GRK5: variants seen among roughly 807,000 people sequenced by gnomAD.
GRK5 encodes the protein g protein-coupled receptor kinase GRK5.
A neutral mutation model predicts 78.4 loss-of-function variants in GRK5; 40 were observed. The ratio of observed to expected loss-of-function variants is 0.51; its 90% CI spans 0.40 to 0.66. GRK5 has a LOEUF of 0.66. Ranked by LOEUF, GRK5 falls within the 30% of genes least tolerant of loss-of-function variation. GRK5 has a pLI of 0.00. For missense variants in GRK5, 598 were observed against 759.9 expected (o/e 0.79, Z 2.50); for synonymous variants, 289 against 296.8 (o/e 0.97, Z 0.27).
intron 4 of GRK5, among the ~76,000 whole-genome samples, chr10:119,408,077 C>T (rs963347111): frequency 1.3e-5 from 2 of 150,038 alleles, no homozygotes; most frequent in African/African-American, 2.5e-5. Flanking sequence ...GCAGGAGAAT[C>T]GCTCGAACCC....
At chr10:119,235,923 C>G (rs770349248) in intron 1 of GRK5, among the ~76,000 whole-genome samples, 36 of 152,292 alleles carry the variant, frequency 2.4e-4, no homozygotes, top group Non-Finnish European at 4.4e-4. Context: ...TGGAGGTTTA[C>G]AGCCAAGTTC....
chr10:119,359,829 G>A (rs748400229), intron 2 of GRK5, among the ~76,000 whole-genome samples: 1 of 152,168 alleles, frequency 6.6e-6, no homozygotes, highest in Non-Finnish European at 1.5e-5. Flanking sequence ...TGTTCCCGGG[G>A]GGGAGGTGTG....
intron 4 of GRK5, among the ~76,000 whole-genome samples, chr10:119,421,177 C>G (rs1226812430): frequency 1.3e-5 from 2 of 152,248 alleles, no homozygotes; most frequent in Admixed American, 1.3e-4. Context: ...AGGCCTTGGG[C>G]CCTCCTGGAC....
In GRK5 at chr10:119,455,281, T is replaced by C. The variant is rs750359322; in HGVS notation, c.*214T>C. On this transcript the variant is annotated 3_prime_UTR_variant, in exon 16 of 16. Transcript: ENST00000392870. ...CCGAGGCGGCCCCGGCCGGGGTGGA[T>C]TGGATTTGTCTTTGGTGAACATTGC... 1.6e-5 allele frequency: 11 copies of C among 696,906 alleles called. No homozygotes were observed. Among genetic ancestry groups the C allele is most frequent in the African/African-American group, 7.0e-5 (4 of 57,146 alleles). 43.2% of individuals were successfully genotyped at this position (696,906 alleles called of 1,614,324 possible). A position where few individuals can be genotyped will look rare whatever the true frequency, so the allele number is the denominator to read the frequency against.
At position 119,253,128 on chromosome 10, in the gene GRK5, G is replaced by A. The variant is rs1849228610; in HGVS notation, c.52+45159G>A. Among the ~76,000 whole-genome samples the A allele has an allele frequency of 6.6e-6, 1 of 152,314 alleles. No individual in the cohort carries two copies. Among genetic ancestry groups the A allele is most frequent in the African/African-American group, 2.4e-5 (1 of 41,552 alleles). On this transcript the variant is annotated intron_variant, in intron 1 of 15. Coordinates refer to ENST00000392870, the MANE Select transcript of GRK5 (RefSeq NM_005308.3). This position sits in a 1 kb window ranked among gnomAD's most constrained non-coding sequence, Gnocchi z 5.7. ...GCTGTACTAATCTGCTGATGAGGGA[G>A]AGTTGGTGGCTCAGTGGTGACAGCA...
Position 119,412,260 on chromosome 10 carries a change from A to G in GRK5, c.340-10906A>G, listed in dbSNP as rs4751717. Among the ~76,000 whole-genome samples, 151,778 of 152,254 alleles carry G rather than the reference A, an allele frequency of 1. 75,653 individuals are homozygous for G. Among genetic ancestry groups the G allele is most frequent in the Middle Eastern group, 1 (294 of 294 alleles). On this transcript the variant is annotated intron_variant, in intron 4 of 15. Transcript: ENST00000392870. The surrounding 1 kb of genome is among the most constrained non-coding windows in gnomAD (Gnocchi z 4.3). ...GTGAGAGCCTTCCAGCCTCGATCAC[A>G]AGGACCTCTACCCACAGGCTGCCGG...
intron 2 of GRK5, among the ~76,000 whole-genome samples, chr10:119,373,281 G>A (rs1589770755): frequency 6.6e-6 from 1 of 152,322 alleles, no homozygotes; most frequent in East Asian, 1.9e-4. Flanking sequence ...TTCTGATTCA[G>A]TCAGTAGGTG....
At chr10:119,275,879 G>A (rs1564873251) in intron 1 of GRK5, among the ~76,000 whole-genome samples, 2 of 152,178 alleles carry the variant, frequency 1.3e-5, no homozygotes, top group African/African-American at 2.4e-5. Flanking sequence ...AGGGAGGGCC[G>A]CAGGAGTTTG....
intron 1 of GRK5, among the ~76,000 whole-genome samples, chr10:119,235,039 A>G (rs1241135474): frequency 1.3e-5 from 2 of 151,854 alleles, no homozygotes; most frequent in African/African-American, 2.4e-5. Context: ...CAGTGACACC[A>G]TCTCAGCTCA....
At chr10:119,211,986 T>C (rs1040559706) in intron 1 of GRK5, among the ~76,000 whole-genome samples, 1 of 152,252 alleles carries the variant, frequency 6.6e-6, no homozygotes, top group Non-Finnish European at 1.5e-5. Context: ...AGCCCTCTTA[T>C]GGCTATGTGA....
At chr10:119,319,592 T>C (rs1054407681) in intron 1 of GRK5, among the ~76,000 whole-genome samples, 2 of 152,242 alleles carry the variant, frequency 1.3e-5, no homozygotes, top group Non-Finnish European at 2.9e-5. Context: ...TCAGGGACCA[T>C]GTCCTCTTCC....
chr10:119,385,310 G>A (rs910229138), intron 3 of GRK5, among the ~76,000 whole-genome samples: 25 of 152,016 alleles, frequency 1.6e-4, no homozygotes, highest in African/African-American at 6.0e-4. Context: ...TGTCATCCAG[G>A]CTGGAGTGCA....
intron 2 of GRK5, among the ~76,000 whole-genome samples, chr10:119,370,437 T>A (rs73451624): frequency 6.6e-6 from 1 of 152,346 alleles, no homozygotes; most frequent in African/African-American, 2.4e-5. Context: ...CACAGGAAGA[T>A]GGCAGGGCTT....
chr10:119,314,130 G>T (rs1171128123), intron 1 of GRK5, among the ~76,000 whole-genome samples: 1 of 152,258 alleles, frequency 6.6e-6, no homozygotes, highest in Non-Finnish European at 1.5e-5. Context: ...GAGGGCTGGG[G>T]TGTATGATGC....
At chr10:119,231,007 T>G in intron 1 of GRK5, among the ~76,000 whole-genome samples, 1 of 150,052 alleles carries the variant, frequency 6.7e-6, no homozygotes, top group Non-Finnish European at 1.5e-5. Flanking sequence ...GGGAGAGGGG[T>G]GGGTTGGAGC....
In GRK5 at chr10:119,394,539, G is replaced by A. The variant is rs1190263426; in HGVS notation, c.262-2156G>A. Among the ~76,000 whole-genome samples, 12 of 22,208 alleles carry A rather than the reference G, an allele frequency of 5.4e-4. 3 individuals carry two copies. The highest frequency in any genetic ancestry group is 1.1e-3 in the Non-Finnish European group (11 of 10,104). The allele number at this position is 22,208 out of a possible 152,430, so 14.6% of individuals were successfully genotyped here. A position where few individuals can be genotyped will look rare whatever the true frequency, so the allele number is the denominator to read the frequency against. On this transcript the variant is annotated intron_variant, in intron 3 of 15. Coordinates refer to ENST00000392870, the MANE Select transcript of GRK5 (RefSeq NM_005308.3). ...TGTGGGTGTGTGTGGGTGTGTATCT[G>A]TGTGTGGGGGCACGTGTATGTTTGG... is the stretch of plus-strand genomic sequence containing the variant.
At chr10:119,400,038 A>G (rs1852123636) in intron 4 of GRK5, among the ~76,000 whole-genome samples, 1 of 152,230 alleles carries the variant, frequency 6.6e-6, no homozygotes, top group Admixed American at 6.5e-5. Context: ...CACTGTCTGC[A>G]GTCATCTCCA....
At position 119,221,262 on chromosome 10, in the gene GRK5, G is replaced by T. The variant is rs138098220; in HGVS notation, c.52+13293G>T. 2.0e-3 allele frequency among the ~76,000 whole-genome samples: 304 copies of T among 152,280 alleles called. 1 individual carries two copies. Among genetic ancestry groups the T allele is most frequent in the African/African-American group, 7.1e-3 (294 of 41,544 alleles). On this transcript the variant is annotated intron_variant, in intron 1 of 15. Transcript: ENST00000392870. ...CAGAAATAATTAGCGTCAGCATGTA[G>T]GTGAACGTTTTCCCAAATCTCTGTA...
intron 2 of GRK5, among the ~76,000 whole-genome samples, chr10:119,353,889 C>A (rs1212571695): frequency 6.7e-6 from 1 of 148,326 alleles, no homozygotes; most frequent in African/African-American, 2.5e-5. Flanking sequence ...ATGAGGGAAA[C>A]AAAATGGCAG....
Sources: gnomAD v4.1 joint callset for allele counts (sites outside exome capture counted in the v4.1 genomes callset) on GRCh38, gnomAD v4.1.1 for gene constraint, Gnocchi (gnomAD v3.1) non-coding constraint, MANE v1.5 for transcripts, NCBI Gene and HGNC (gene_info 2026-07-23, HGNC 2026-07-21) for gene names.